Variants in RALGAPA1 observed in about 807,000 individuals in gnomAD.
RALGAPA1 encodes the protein ral GTPase-activating protein subunit alpha-1.
A neutral mutation model predicts 269.6 loss-of-function variants in RALGAPA1; 52 were observed. The observed-to-expected ratio is 0.19, with a 90% CI of 0.15 to 0.24. The LOEUF (loss-of-function observed/expected upper bound fraction) is 0.24. Among genes scored for constraint, RALGAPA1 ranks in the 10% least tolerant of loss-of-function variants. The pLI is 1.00. For missense variants in RALGAPA1, 1,917 were observed against 3,013.9 expected, an observed-to-expected ratio of 0.64 and a Z score of 8.52; for synonymous variants, 817 against 1,008.3, an observed-to-expected ratio of 0.81 and a Z score of 3.60.
At chr14:35,568,505 A>C (rs12895254) in intron 39 of RALGAPA1, among the ~76,000 whole-genome samples, 1 of 152,196 alleles carries the variant, frequency 6.6e-6, no homozygotes, top group Non-Finnish European at 1.5e-5. Flanking sequence ...AAGGAAAAAG[A>C]TACTGTATCT....
intron 36 of RALGAPA1, 75 bp from the exon 37 acceptor site, chr14:35,595,864 T>C: frequency 3.2e-6 from 4 of 1,251,706 alleles, no homozygotes; most frequent in East Asian, 2.5e-5. Flanking sequence ...TCAAACTTCT[T>C]GCTTAAGAAA....
intron 1 of RALGAPA1, among the ~76,000 whole-genome samples, chr14:35,777,431 A>G (rs745796083): frequency 2.0e-5 from 3 of 152,232 alleles, no homozygotes; most frequent in Non-Finnish European, 4.4e-5. Flanking sequence ...ATTGTTGCTT[A>G]GCTCATTTTC....
chr14:35,780,831 C>T (rs1038866826), intron 1 of RALGAPA1, among the ~76,000 whole-genome samples: 2 of 152,142 alleles, frequency 1.3e-5, no homozygotes, highest in African/African-American at 2.4e-5. Context: ...TTGGTTCACG[C>T]CTGTAATCCC....
chr14:35,653,316 C>T (rs1370874569), intron 30 of RALGAPA1, among the ~76,000 whole-genome samples: 1 of 152,120 alleles, frequency 6.6e-6, no homozygotes, highest in African/African-American at 2.4e-5. Context: ...TCCCATCTGT[C>T]CTAAAAATGT....
chr14:35,775,970 A>G (rs992850936), intron 1 of RALGAPA1, among the ~76,000 whole-genome samples: 1 of 152,214 alleles, frequency 6.6e-6, no homozygotes, highest in Admixed American at 6.5e-5. Flanking sequence ...ACAATAGCTC[A>G]GAAAAACTTA....
At position 35,723,349 on chromosome 14, in the gene RALGAPA1, C is replaced by T. The variant is rs2069600753; in HGVS notation, c.1867-85G>A. 9.5e-6 allele frequency: 7 copies of T among 740,504 alleles called. No homozygotes were observed. In the South Asian group the frequency reaches 1.7e-4, roughly 18 times the overall value. The allele number at this position is 740,504 out of a possible 1,614,324, so 45.9% of individuals were successfully genotyped here. Reference sequence around the variant, plus strand: ...AGACATTCAATTCTTAAAAAAATTACTTAAAAACAAGCAACATTTAAAATC... The same window carrying T: ...AGACATTCAATTCTTAAAAAAATTATTTAAAAACAAGCAACATTTAAAATC... On this transcript the variant is annotated intron_variant, in intron 14 of 41. Transcript: ENST00000680220.
Position 35,809,077 on chromosome 14 carries a change from C to G in RALGAPA1, c.-242G>C. On this transcript the variant is annotated 5_prime_UTR_variant, in exon 1 of 42. Coordinates refer to ENST00000680220, the MANE Select transcript of RALGAPA1 (RefSeq NM_001346249.2). ...AGCTCCAATATGGCGGATCCCTCTCCCGGCCCTGCACGGAGCGAGGCAGAC... is the reference window on the plus strand; with the variant it reads ...AGCTCCAATATGGCGGATCCCTCTCGCGGCCCTGCACGGAGCGAGGCAGAC... The G allele has an allele frequency of 1.7e-6, 1 of 590,456 alleles. No homozygotes were observed. The highest frequency in any genetic ancestry group is 2.8e-6 in the Non-Finnish European group (1 of 351,808). The allele number at this position is 590,456 out of a possible 1,614,324, so 36.6% of individuals were successfully genotyped here.
At chr14:35,654,659 C>A (rs1005723978) in intron 29 of RALGAPA1, among the ~76,000 whole-genome samples, 182 bp from the exon 30 acceptor site, 1 of 152,162 alleles carries the variant, frequency 6.6e-6, no homozygotes, top group Non-Finnish European at 1.5e-5. Flanking sequence ...AAGACACATA[C>A]AACTTTAATT....
chr14:35,808,280 A>G (rs2077514740), intron 1 of RALGAPA1, among the ~76,000 whole-genome samples: 1 of 152,176 alleles, frequency 6.6e-6, no homozygotes, highest in Admixed American at 6.5e-5. Context: ...CCCACTTCCC[A>G]AAGAGGTGTA....
At chr14:35,557,350 TAA>T (rs1340427465) in intron 39 of RALGAPA1, among the ~76,000 whole-genome samples, 1 of 151,612 alleles carries the variant, frequency 6.6e-6, no homozygotes, top group African/African-American at 2.4e-5. Flanking sequence ...TACAATTACT[TAA>T]GTGTTATCTC....
intron 1 of RALGAPA1, among the ~76,000 whole-genome samples, chr14:35,789,474 C>T (rs879823216): frequency 6.6e-6 from 1 of 151,902 alleles, no homozygotes; most frequent in Non-Finnish European, 1.5e-5. Flanking sequence ...CGCCTGTTGC[C>T]CCAGCTACTA....
chr14:35,808,500 A>G (rs537372801), intron 1 of RALGAPA1, among the ~76,000 whole-genome samples: 2 of 152,374 alleles, frequency 1.3e-5, no homozygotes, highest in African/African-American at 4.8e-5. Flanking sequence ...ATTTTAAAAA[A>G]TAAGTTCAGA....
chr14:35,593,874 T>A (rs1268929094), intron 37 of RALGAPA1, among the ~76,000 whole-genome samples: 1 of 151,122 alleles, frequency 6.6e-6, no homozygotes, highest in East Asian at 1.9e-4. Flanking sequence ...AAATAAAATA[T>A]TATATTATAT....
At chr14:35,651,046 C>T (rs1265515151) in intron 31 of RALGAPA1, among the ~76,000 whole-genome samples, 3 of 151,968 alleles carry the variant, frequency 2.0e-5, no homozygotes, top group Admixed American at 1.3e-4. Context: ...AGAGTCTCTA[C>T]AACATTTATG....
intron 33 of RALGAPA1, among the ~76,000 whole-genome samples, chr14:35,629,280 G>GGGGT: frequency 1.3e-5 from 1 of 75,770 alleles, no homozygotes; most frequent in East Asian, 2.5e-4. Flanking sequence ...GGATGTTTAG[G>GGGGT]GGGTGTGTGT....
intron 1 of RALGAPA1, among the ~76,000 whole-genome samples, chr14:35,800,308 A>G (rs1047965260): frequency 6.6e-6 from 1 of 152,236 alleles, no homozygotes; most frequent in Admixed American, 6.5e-5. Flanking sequence ...AAGTGCATAC[A>G]AGAAATTTAT....
chr14:35,697,846 C>A (rs909485919), intron 17 of RALGAPA1, among the ~76,000 whole-genome samples: 1 of 152,028 alleles, frequency 6.6e-6, no homozygotes, highest in Non-Finnish European at 1.5e-5. Flanking sequence ...GTGACAGGTT[C>A]CTTGCCTCTT....
chr14:35,550,114 G>A (rs2054847515), intron 39 of RALGAPA1, among the ~76,000 whole-genome samples: 1 of 152,180 alleles, frequency 6.6e-6, no homozygotes, highest in Non-Finnish European at 1.5e-5. Context: ...AGCACAGAGA[G>A]GGCGAGAAAG....
chr14:35,775,098 GTCCT>G, intron 2 of RALGAPA1, 43 bp from the exon 3 acceptor site: 2 of 1,098,832 alleles, frequency 1.8e-6, no homozygotes, highest in Non-Finnish European at 1.3e-6. Context: ...ATATCATTTT[GTCCT>G]CATAATGAAC....
Sources: allele counts gnomAD v4.1 joint callset (sites outside exome capture counted in the v4.1 genomes callset), GRCh38; gene constraint gnomAD v4.1.1; transcripts MANE v1.5; gene names NCBI Gene and HGNC (gene_info 2026-07-23, HGNC 2026-07-21).